Variants in TENM2 observed in about 807,000 individuals in gnomAD.
The protein encoded by TENM2 is teneurin transmembrane protein 2.
In TENM2, 52 loss-of-function variants were observed where a neutral mutation model predicts 245.2. The ratio of observed to expected loss-of-function variants is 0.21; its 90% CI spans 0.17 to 0.27. The LOEUF (loss-of-function observed/expected upper bound fraction) is 0.27. TENM2 is among the 10% of genes least tolerant of loss of function. The pLI is 1.00. For missense variants in TENM2, 3,046 were observed against 3,666.8 expected, an observed-to-expected ratio of 0.83 and a Z score of 4.37; for synonymous variants, 1,363 against 1,438.9, an observed-to-expected ratio of 0.95 and a Z score of 1.19.
the TENM2 span, among the ~76,000 whole-genome samples, chr5:167,244,827 C>A: frequency 6.6e-6 from 1 of 152,076 alleles, no homozygotes; most frequent in East Asian, 1.9e-4. Context: ...GAGTGCCATC[C>A]TGTGGCCTAA....
chr5:167,616,770 T>TAA (rs1777815326), intron 2 of TENM2, among the ~76,000 whole-genome samples: 1 of 152,148 alleles, frequency 6.6e-6, no homozygotes, highest in Non-Finnish European at 1.5e-5. Flanking sequence ...TCTTTTGATT[T>TAA]ACTCAAACAT....
the TENM2 span, among the ~76,000 whole-genome samples, chr5:167,043,943 C>T: frequency 2.6e-5 from 4 of 151,866 alleles, no homozygotes; most frequent in East Asian, 5.9e-4. Context: ...TCGCTTGAAC[C>T]CAGGAGGTAG....
At chr5:168,107,534 A>T (rs35832334) in intron 9 of TENM2, among the ~76,000 whole-genome samples, 2 of 143,972 alleles carry the variant, frequency 1.4e-5, no homozygotes, top group Non-Finnish European at 3.0e-5. Context: ...GCTCAGGAAG[A>T]CCCCTTTTTA....
At chr5:167,718,185 C>A (rs766102284) in intron 2 of TENM2, among the ~76,000 whole-genome samples, 1 of 152,178 alleles carries the variant, frequency 6.6e-6, no homozygotes, top group Non-Finnish European at 1.5e-5. Context: ...ATCTATCACC[C>A]AATTTATTTT....
At chr5:167,981,252 A>G (rs1048484659) in intron 4 of TENM2, among the ~76,000 whole-genome samples, 4 of 152,122 alleles carry the variant, frequency 2.6e-5, no homozygotes, top group African/African-American at 7.2e-5. Context: ...TTCCTCACAC[A>G]TGGTCTTCCC....
At chr5:168,187,064 T>C (rs1760520442) in intron 13 of TENM2, 1 of 152,238 alleles carries the variant, frequency 6.6e-6, no homozygotes, top group Non-Finnish European at 1.5e-5. Flanking sequence ...TAATAACGGG[T>C]AGAACCCCAA....
chr5:167,917,672 T>C (rs1213711924), intron 3 of TENM2, among the ~76,000 whole-genome samples: 1 of 152,012 alleles, frequency 6.6e-6, no homozygotes, highest in East Asian at 1.9e-4. Context: ...GTAAAGCACT[T>C]CTCCCTGTAA....
intron 2 of TENM2, among the ~76,000 whole-genome samples, chr5:167,641,199 C>A (rs1241423886): frequency 6.6e-6 from 1 of 151,982 alleles, no homozygotes; most frequent in East Asian, 1.9e-4. Flanking sequence ...CATTGCAAAA[C>A]CTAAAAGTTA....
In TENM2 at chr5:167,818,736, C is replaced by A. The variant is rs115766596; in HGVS notation, c.503-57250C>A. On this transcript the variant is annotated intron_variant, in intron 2 of 28. Transcript: ENST00000518659. ...AGTTATTGGAAAAAGATATAATTTT[C>A]TTCAATAATCTGCATCCCAAGGAAC... is the stretch of plus-strand genomic sequence containing the variant. 2.9e-3 allele frequency among the ~76,000 whole-genome samples: 442 copies of A among 152,266 alleles called. 4 individuals are homozygous for A. Among genetic ancestry groups the A allele is most frequent in the African/African-American group, 9.9e-3 (412 of 41,552 alleles).
chr5:167,427,540 G>A (rs1231216689), intron 2 of TENM2, among the ~76,000 whole-genome samples: 17 of 147,486 alleles, frequency 1.2e-4, no homozygotes, highest in African/African-American at 4.0e-4. Flanking sequence ...AGGATGGGAA[G>A]GAAGGGAAGG....
chr5:167,707,271 G>T lies in TENM2; in HGVS notation c.503-168715G>T, dbSNP rs75892852. The stretch of plus-strand genomic sequence containing the variant: ...TTTAAATCAGGTTGTTATGGTTTTT[G>T]CTTGTTTTGCTGTTGAGTAATAGGA... On this transcript the variant is annotated intron_variant, in intron 2 of 28. Transcript: ENST00000518659. 6.3e-3 allele frequency among the ~76,000 whole-genome samples: 956 copies of T among 152,064 alleles called. 9 individuals carry two copies. The highest frequency in any genetic ancestry group is 0.022 in the African/African-American group (906 of 41,510).
At chr5:167,648,715 C>T (rs1440461249) in intron 2 of TENM2, among the ~76,000 whole-genome samples, 1 of 152,198 alleles carries the variant, frequency 6.6e-6, no homozygotes, top group Non-Finnish European at 1.5e-5. Flanking sequence ...GACCCTTCAC[C>T]ACAGGCTTTG....
chr5:167,263,504 T>C, the TENM2 span, among the ~76,000 whole-genome samples: 7 of 152,212 alleles, frequency 4.6e-5, no homozygotes, highest in Admixed American at 6.5e-5. Context: ...ATGAATTCCA[T>C]CTACCCATTA....
chr5:168,214,276 T>C (rs1763003613), intron 20 of TENM2, among the ~76,000 whole-genome samples: 1 of 152,200 alleles, frequency 6.6e-6, no homozygotes, highest in Non-Finnish European at 1.5e-5. Context: ...TCTCAGAGGC[T>C]CACGCCTTCC....
intron 7 of TENM2, among the ~76,000 whole-genome samples, chr5:168,087,051 C>T (rs1792516978): frequency 6.6e-6 from 1 of 152,192 alleles, no homozygotes; most frequent in African/African-American, 2.4e-5. Flanking sequence ...TTTATCCTCC[C>T]TGCATTTCTA....
intron 2 of TENM2, among the ~76,000 whole-genome samples, chr5:167,434,319 T>G (rs992438789): frequency 6.9e-6 from 1 of 144,760 alleles, no homozygotes; most frequent in Non-Finnish European, 1.5e-5. Context: ...GAGGCTGAGG[T>G]AGGAGAATCG....
At chr5:167,315,776 C>T (rs1000429833) in intron 1 of TENM2, among the ~76,000 whole-genome samples, 21 of 151,888 alleles carry the variant, frequency 1.4e-4, no homozygotes, top group East Asian at 7.7e-4. Context: ...CTGAAGTGGA[C>T]GGGCTGTCTC....
At chr5:167,688,727 G>T (rs1267548692) in intron 2 of TENM2, among the ~76,000 whole-genome samples, 1 of 152,194 alleles carries the variant, frequency 6.6e-6, no homozygotes, top group South Asian at 2.1e-4. Context: ...CCACCTTAAA[G>T]AAATGGATTT....
chr5:168,232,703 C>T (rs944961309), intron 25 of TENM2, among the ~76,000 whole-genome samples: 6 of 152,198 alleles, frequency 3.9e-5, no homozygotes, highest in Non-Finnish European at 8.8e-5. Flanking sequence ...CACAATAGAA[C>T]AGTGCCCAGT....
Sources: gnomAD v4.1 joint callset for allele counts (sites outside exome capture counted in the v4.1 genomes callset) on GRCh38, gnomAD v4.1.1 for gene constraint, MANE v1.5 for transcripts, NCBI Gene and HGNC (gene_info 2026-07-23, HGNC 2026-07-21) for gene names.